ST6GALNAC2: variants seen among roughly 807,000 people sequenced by gnomAD.
ST6GALNAC2 encodes ST6 N-acetylgalactosaminide alpha-2,6-sialyltransferase 2.
A neutral mutation model predicts 38.7 loss-of-function variants in ST6GALNAC2; 42 were observed. That is an observed-to-expected ratio of 1.09 (90% CI 0.85 to 1.40). The LOEUF (loss-of-function observed/expected upper bound fraction) is 1.40. Ranked by LOEUF, ST6GALNAC2 falls within the 40% of genes most tolerant of loss-of-function variation. The pLI is 0.00. For synonymous variants in ST6GALNAC2, 233 were observed against 209.0 expected (o/e 1.11, Z -0.99); for missense variants, 506 against 481.7 (o/e 1.05, Z -0.47).
chr17:76,578,823 G>GA lies in ST6GALNAC2; in HGVS notation c.126-8dup. On this transcript the variant is annotated splice_region_variant and splice_polypyrimidine_tract_variant and intron_variant, in intron 1 of 8. Transcript: ENST00000225276. ...TTCAAATGATGTGGTGTCCCTGGGG[G>GA]AAAAAGCAGAAAAAAGCAGGGGTCA... 6.2e-7 allele frequency: 1 copy of GA among 1,611,794 alleles called. No homozygotes were observed. The highest frequency in any genetic ancestry group is 8.5e-7 in the Non-Finnish European group (1 of 1,179,046).
rs2075538328 is a variant in ST6GALNAC2 at position 76,585,770 on chromosome 17, G to A, written c.39C>T (p.Leu13=). 1.3e-6 allele frequency: 2 copies of A among 1,555,382 alleles called. No individual in the cohort carries two copies. Among genetic ancestry groups the A allele is most frequent in the East Asian group, 2.4e-5 (1 of 41,336 alleles). ...LPRGSFFWLL[L]LLTAACSGLL... ...GCCCCGAGCAGGCAGCCGTGAGCAG[G>A]AGCAGCAGCCAGAAGAACGACCCGC... Residue 13 remains leucine (L), a synonymous_variant, in exon 1 of 9, where the codon CTC becomes CTT. Transcript: ENST00000225276.
At chr17:76,568,676 G>T (rs760126529) in intron 7 of ST6GALNAC2, 37 bp downstream of exon 7, 1 of 1,606,794 alleles carries the variant, frequency 6.2e-7, no homozygotes, top group East Asian at 2.2e-5. Context: ...AAGGGGGAAG[G>T]AAGGGGACGC....
chr17:76,584,871 C>G (rs993982233), intron 1 of ST6GALNAC2, among the ~76,000 whole-genome samples: 3 of 152,214 alleles, frequency 2.0e-5, no homozygotes. Context: ...CCGGGCCCTT[C>G]CCTCCTCCCA....
chr17:76,566,072 CTT>C lies in ST6GALNAC2; in HGVS notation c.*30_*31del. ...ACTTGAGAGGATCAGGGCCGCAACT[CTT>C]GAAGAAGCAAAGGGCTCAGTGCATT... On this transcript the variant is annotated 3_prime_UTR_variant, in exon 9 of 9. Transcript: ENST00000225276. 2 of 1,592,518 alleles carry C rather than the reference CTT, an allele frequency of 1.3e-6. No individual in the cohort carries two copies. Among genetic ancestry groups the C allele is most frequent in the Non-Finnish European group, 1.7e-6 (2 of 1,169,522 alleles).
chr17:76,572,044 C>G (rs1453874672), intron 5 of ST6GALNAC2, among the ~76,000 whole-genome samples: 1 of 152,078 alleles, frequency 6.6e-6, no homozygotes, highest in African/African-American at 2.4e-5. Context: ...GCGCTGGGGT[C>G]AGAGGGTCCT....
intron 6 of ST6GALNAC2, chr17:76,569,640 G>A: frequency 2.5e-6 from 1 of 398,616 alleles, no homozygotes; most frequent in Non-Finnish European, 4.4e-6. Context: ...TGTGGGAAGG[G>A]GAGCTCATTG....
intron 1 of ST6GALNAC2, among the ~76,000 whole-genome samples, chr17:76,584,299 C>A (rs2075517702): frequency 6.6e-6 from 1 of 150,430 alleles, no homozygotes; most frequent in Non-Finnish European, 1.5e-5. Flanking sequence ...CTCAAGGGAT[C>A]TTCTTGGTCA....
chr17:76,568,523 C>T, intron 7 of ST6GALNAC2, 190 bp downstream of exon 7: 1 of 612,640 alleles, frequency 1.6e-6, no homozygotes, highest in Non-Finnish European at 2.9e-6. Flanking sequence ...CATATATCAC[C>T]CTCCCTCTAT....
In ST6GALNAC2 at chr17:76,567,295, A is replaced by G. The variant is rs527973269; in HGVS notation, c.957+158T>C. The stretch of plus-strand genomic sequence containing the variant: ...CTTCAAAGGCCCCAGGGTTGTGGGC[A>G]AGGAAGTGAGCAGTACCAGCAGCAC... On this transcript the variant is annotated intron_variant, in intron 8 of 8. Transcript: ENST00000225276. 6.2e-4 allele frequency among the ~76,000 whole-genome samples: 94 copies of G among 152,310 alleles called. 1 individual carries two copies. Among genetic ancestry groups the G allele is most frequent in the Non-Finnish European group, 4.1e-4 (28 of 68,028 alleles).
At chr17:76,574,236 G>T in intron 3 of ST6GALNAC2, 129 bp downstream of exon 3, 1 of 1,109,300 alleles carries the variant, frequency 9.0e-7, no homozygotes, top group Non-Finnish European at 1.3e-6. Flanking sequence ...GGGGCTTCTG[G>T]GAGGAGAGAG....
Position 76,568,620 on chromosome 17 carries a change from G to A in ST6GALNAC2, c.857+93C>T, listed in dbSNP as rs918907752. The A allele has an allele frequency of 2.8e-5, 34 of 1,217,436 alleles. No individual in the cohort carries two copies. In the Admixed American group the frequency reaches 4.5e-4, roughly 16 times the overall value. The allele number at this position is 1,217,436 out of a possible 1,614,324, so 75.4% of individuals were successfully genotyped here. A position where few individuals can be genotyped will look rare whatever the true frequency, so the allele number is the denominator to read the frequency against. On this transcript the variant is annotated intron_variant, in intron 7 of 8. Transcript: ENST00000225276. ...TGGAGCTCTGGTTATCGGTCAGTGC[G>A]TGGGGCTCGTGCGAGGGCGCTGACT...
rs377137937 is a variant in ST6GALNAC2, at chr17:76,573,452, C to G, written c.362-89G>C. The G allele has an allele frequency of 1.6e-6, 2 of 1,286,798 alleles. No individual in the cohort carries two copies. Among genetic ancestry groups the G allele is most frequent in the East Asian group, 2.8e-5 (1 of 36,236 alleles). 79.7% of individuals were successfully genotyped at this position (1,286,798 alleles called of 1,614,324 possible). A position where few individuals can be genotyped will look rare whatever the true frequency, so the allele number is the denominator to read the frequency against. The stretch of plus-strand genomic sequence containing the variant: ...CTAGGCTGGTTCTGGTGCCCCATCT[C>G]CCCTGAGGCCTGACCCTAGCCCCTC... On this transcript the variant is annotated intron_variant, in intron 3 of 8. Coordinates refer to ENST00000225276, the MANE Select transcript of ST6GALNAC2 (RefSeq NM_006456.3). The surrounding 1 kb of genome is among the most constrained non-coding windows in gnomAD (Gnocchi z 5.1).
Position 76,566,287 on chromosome 17 carries a change from C to T in ST6GALNAC2, c.958-16G>A, listed in dbSNP as rs376323367. 1.8e-4 allele frequency: 292 copies of T among 1,613,388 alleles called. No homozygotes were observed. In the African/African-American group the frequency reaches 3.2e-3, roughly 18 times the overall value. ...AGGCACTGACCTGGGCAAGGATAGTCGCTGGATTAGTATTTGTTGAGCGTC... is the reference window on the plus strand; with the variant it reads ...AGGCACTGACCTGGGCAAGGATAGTTGCTGGATTAGTATTTGTTGAGCGTC... On this transcript the variant is annotated splice_polypyrimidine_tract_variant and intron_variant, in intron 8 of 8. Coordinates refer to ENST00000225276, the MANE Select transcript of ST6GALNAC2 (RefSeq NM_006456.3).
chr17:76,584,795 G>C (rs1007480108), intron 1 of ST6GALNAC2, among the ~76,000 whole-genome samples: 79 of 152,232 alleles, frequency 5.2e-4, no homozygotes, highest in Non-Finnish European at 3.1e-4. Context: ...AGGTTGGTAG[G>C]GGGTGCGCAG....
Position 76,572,640 on chromosome 17 carries a change from T to C in ST6GALNAC2, c.666A>G (p.Gly222=). 1 of 1,614,062 alleles carries C rather than the reference T, an allele frequency of 6.2e-7. No individual in the cohort carries two copies. The highest frequency in any genetic ancestry group is 8.5e-7 in the Non-Finnish European group (1 of 1,180,012). The change falls in exon 5 of 9, where the codon GGA becomes GGG. Residue 222 remains glycine (G), a synonymous_variant. Coordinates refer to ENST00000225276, the MANE Select transcript of ST6GALNAC2 (RefSeq NM_006456.3). The part of the protein sequence containing the change: ...WNLGFTSVPQ[G]QDLQYIFIPS... ...GCATGCCCGCCAGAGGCCTCACCTG[T>C]CCTTGTGGCACGGAGGTGAAGCCCA...
intron 5 of ST6GALNAC2, chr17:76,571,199 C>A: frequency 6.5e-6 from 1 of 154,534 alleles, no homozygotes; most frequent in Non-Finnish European, 1.4e-5. Flanking sequence ...ATTCCTGACC[C>A]ATTGAAACCA....
At chr17:76,578,542 A>G (rs2075442409) in intron 2 of ST6GALNAC2, among the ~76,000 whole-genome samples, 1 of 152,266 alleles carries the variant, frequency 6.6e-6, no homozygotes, top group Non-Finnish European at 1.5e-5. Context: ...CCATGAGTAC[A>G]TATTTATTCA....
chr17:76,572,264 G>C (rs534192178), intron 5 of ST6GALNAC2, among the ~76,000 whole-genome samples: 1 of 152,074 alleles, frequency 6.6e-6, no homozygotes, highest in Non-Finnish European at 1.5e-5. Flanking sequence ...CTCTCGAGGT[G>C]GGGGGTACTC....
At chr17:76,584,860 G>A (rs1360205706) in intron 1 of ST6GALNAC2, among the ~76,000 whole-genome samples, 1 of 152,240 alleles carries the variant, frequency 6.6e-6, no homozygotes, top group Non-Finnish European at 1.5e-5. Context: ...CCCTGAGGCT[G>A]CCGGGCCCTT....
Sources: gnomAD v4.1 joint callset for allele counts (sites outside exome capture counted in the v4.1 genomes callset) on GRCh38, gnomAD v4.1.1 for gene constraint, Gnocchi (gnomAD v3.1) non-coding constraint, MANE v1.5 for transcripts, NCBI Gene and HGNC (gene_info 2026-07-23, HGNC 2026-07-21) for gene names.